Variants in MYOCD observed in about 807,000 individuals in gnomAD.
MYOCD encodes the protein myocardin.
Under a neutral mutation model 96.1 loss-of-function variants are expected in MYOCD, and 32 were observed. That is an observed-to-expected ratio of 0.33 (90% confidence interval 0.25 to 0.45). The LOEUF (loss-of-function observed/expected upper bound fraction) is 0.45. MYOCD is among the 20% of genes least tolerant of loss of function. MYOCD has a pLI of 1.00. For synonymous variants in MYOCD, 469 were observed against 469.0 expected, an observed-to-expected ratio of 1.00 and a Z score of 0.00; for missense variants, 1,133 against 1,200.6, an observed-to-expected ratio of 0.94 and a Z score of 0.83.
intron 4 of MYOCD, among the ~76,000 whole-genome samples, chr17:12,719,947 C>G (rs947306833): frequency 2.0e-5 from 3 of 150,940 alleles, no homozygotes; most frequent in Non-Finnish European, 2.9e-5. Context: ...TAATAAATAG[C>G]AGCTCCAAAC....
intron 5 of MYOCD, among the ~76,000 whole-genome samples, chr17:12,735,298 C>G (rs576855842): frequency 6.6e-6 from 1 of 152,130 alleles, no homozygotes; most frequent in Non-Finnish European, 1.5e-5. Context: ...ACATTGTGTA[C>G]TGTGCAGCTG....
chr17:12,672,465 G>T (rs12600404), intron 1 of MYOCD, among the ~76,000 whole-genome samples: 18,863 of 152,186 alleles, frequency 0.12, 2,262 homozygotes, highest in African/African-American at 0.31. Context: ...CAAGCTTTAC[G>T]TAACGAGATT....
intron 1 of MYOCD, among the ~76,000 whole-genome samples, chr17:12,667,461 T>A (rs1219871370): frequency 6.6e-6 from 1 of 152,156 alleles, no homozygotes; most frequent in East Asian, 1.9e-4. Flanking sequence ...CTTCCTTTCC[T>A]TTCCATGGTG....
At chr17:12,713,534 C>G (rs768910815) in intron 2 of MYOCD, among the ~76,000 whole-genome samples, 1 of 152,098 alleles carries the variant, frequency 6.6e-6, no homozygotes, top group South Asian at 2.1e-4. Context: ...TAAGGCCACA[C>G]GAAGATCCAT....
Position 12,726,197 on chromosome 17 carries a change from C to T in MYOCD, c.415+3189C>T, listed in dbSNP as rs117076077. On this transcript the variant is annotated intron_variant, in intron 5 of 13. Coordinates refer to ENST00000425538, the MANE Select transcript of MYOCD (RefSeq NM_001146312.3). ...TGAAAAGCCTCCTTCAGTCTTGTTG[C>T]GCCATCATTCCCTACAGCGAGGGTG... Among the ~76,000 whole-genome samples, 1,522 of 152,206 alleles carry T rather than the reference C, an allele frequency of 1.0e-2. 9 individuals carry two copies. Among genetic ancestry groups the T allele is most frequent in the Non-Finnish European group, 0.015 (993 of 67,996 alleles).
intron 1 of MYOCD, 70 bp downstream of exon 1, chr17:12,666,313 T>C (rs994441863): frequency 7.9e-6 from 9 of 1,142,402 alleles, no homozygotes; most frequent in Non-Finnish European, 1.1e-5. Flanking sequence ...TAGAACTGCT[T>C]TCCAATAAAT....
intron 8 of MYOCD, among the ~76,000 whole-genome samples, chr17:12,744,747 G>A (rs2032613025): frequency 6.6e-6 from 1 of 152,122 alleles, no homozygotes; most frequent in Non-Finnish European, 1.5e-5. Context: ...CCTGTGATAA[G>A]GTTTCACTTA....
At chr17:12,728,083 C>G (rs2032053251) in intron 5 of MYOCD, among the ~76,000 whole-genome samples, 1 of 152,128 alleles carries the variant, frequency 6.6e-6, no homozygotes, top group South Asian at 2.1e-4. Flanking sequence ...CACTGAATAC[C>G]AAAAGCATTG....
intron 13 of MYOCD, 60 bp from the exon 14 acceptor site, chr17:12,763,013 T>C (rs1434340463): frequency 7.1e-7 from 1 of 1,416,342 alleles, no homozygotes; most frequent in East Asian, 2.3e-5. Context: ...AACTCACTCA[T>C]ATTGTGTGGC....
At chr17:12,752,084 A>G (rs900017339) in intron 9 of MYOCD, among the ~76,000 whole-genome samples, 3 of 152,150 alleles carry the variant, frequency 2.0e-5, no homozygotes, top group African/African-American at 7.2e-5. Flanking sequence ...ACCCAGGCAG[A>G]TATGTTTTCT....
Position 12,763,314 on chromosome 17 carries a change from G to C in MYOCD, c.2631G>C (p.Gly877=), listed in dbSNP as rs1301125186. The C allele has an allele frequency of 1.9e-6, 3 of 1,608,902 alleles. No homozygotes were observed. The change falls in exon 14 of 14, where the codon GGG becomes GGC. Residue 877 remains glycine (G), a synonymous_variant. Transcript: ENST00000425538. ...GTGATGTCACCCTTCTAAAAATTGG[G>C]AGCGAAGAGCCTCACTTTGATGGGA... ...KMSDVTLLKI[G]SEEPHFDGIM...
intron 6 of MYOCD, among the ~76,000 whole-genome samples, chr17:12,738,554 C>T (rs1041472223): frequency 6.6e-6 from 1 of 151,970 alleles, no homozygotes; most frequent in Non-Finnish European, 1.5e-5. Flanking sequence ...CACGTATACA[C>T]CTAACATGCA....
intron 2 of MYOCD, among the ~76,000 whole-genome samples, chr17:12,713,447 T>C (rs2031541036): frequency 6.6e-6 from 1 of 152,204 alleles, no homozygotes; most frequent in Non-Finnish European, 1.5e-5. Context: ...GTCAGCGATA[T>C]CCCAAGATCT....
intron 1 of MYOCD, among the ~76,000 whole-genome samples, chr17:12,692,221 C>T (rs561112437): frequency 1.3e-5 from 2 of 152,332 alleles, no homozygotes; most frequent in East Asian, 1.9e-4. Flanking sequence ...GCCAATGTTT[C>T]AGGCAGTAAT....
Position 12,744,400 on chromosome 17 carries a change from G to A in MYOCD, c.935G>A (p.Arg312Gln), listed in dbSNP as rs374008798. ...LSQQQQQQQH[R>Q]FSYLGMHQAQ... Reference sequence around the variant, plus strand: ...CAGCAGCAGCAGCAGCAGCAACACCGATTCAGCTACCTAGGGATGCACCAA... The same window carrying A: ...CAGCAGCAGCAGCAGCAGCAACACCAATTCAGCTACCTAGGGATGCACCAA... Residue 312 changes from arginine (R) to glutamine (Q), a missense_variant, in exon 8 of 14, where the codon CGA becomes CAA. Coordinates refer to ENST00000425538, the MANE Select transcript of MYOCD (RefSeq NM_001146312.3). 119 of 1,613,546 alleles carry A rather than the reference G, an allele frequency of 7.4e-5. No individual in the cohort carries two copies. The Admixed American group carries it at 8.0e-4, about 11-fold the overall frequency.
At chr17:12,689,706 C>G (rs1251995727) in intron 1 of MYOCD, among the ~76,000 whole-genome samples, 1 of 152,126 alleles carries the variant, frequency 6.6e-6, no homozygotes, top group Non-Finnish European at 1.5e-5. Flanking sequence ...TGGCAGGCAA[C>G]TGTAATCCCA....
intron 5 of MYOCD, among the ~76,000 whole-genome samples, chr17:12,728,088 G>T (rs1011602683): frequency 9.2e-5 from 14 of 152,164 alleles, no homozygotes; most frequent in Admixed American, 3.3e-4. Context: ...AATACCAAAA[G>T]CATTGTGTTA....
At chr17:12,753,431 G>C in intron 10 of MYOCD, 85 bp downstream of exon 10, 9 of 1,248,414 alleles carry the variant, frequency 7.2e-6, no homozygotes, top group Non-Finnish European at 9.9e-6. Context: ...GCTAATGTCA[G>C]AATTTTCAAT....
chr17:12,726,511 A>G (rs1275133755), intron 5 of MYOCD, among the ~76,000 whole-genome samples: 1 of 152,154 alleles, frequency 6.6e-6, no homozygotes, highest in African/African-American at 2.4e-5. Context: ...AAATGAACAC[A>G]TCACTTCCAC....
Sources: gnomAD v4.1 joint callset for allele counts (sites outside exome capture counted in the v4.1 genomes callset) on GRCh38, gnomAD v4.1.1 for gene constraint, MANE v1.5 for transcripts, NCBI Gene and HGNC (gene_info 2026-07-23, HGNC 2026-07-21) for gene names.